SH3BGRL2: variants seen among roughly 807,000 people sequenced by gnomAD.
The protein encoded by SH3BGRL2 is SH3 domain binding glutamate rich protein like 2.
SH3BGRL2 carries 21 observed loss-of-function variants against 14.8 expected under a neutral mutation model. That is an observed-to-expected ratio of 1.42 (90% confidence interval 1.01 to 2.05). The LOEUF (loss-of-function observed/expected upper bound fraction) is 2.05, where lower values mean the gene tolerates loss of function less well. Ranked by LOEUF, SH3BGRL2 falls within the 30% of genes most tolerant of loss-of-function variation. The probability of loss-of-function intolerance (pLI) is 0.00; values close to 1 mark genes in which losing one functional copy is unlikely to be tolerated. For missense variants in SH3BGRL2, 147 were observed against 130.8 expected, an observed-to-expected ratio of 1.12 and a Z score of -0.61; for synonymous variants, 50 against 47.8, an observed-to-expected ratio of 1.05 and a Z score of -0.19.
chr6:79,575,056 T>C, the SH3BGRL2 span: 2 of 152,212 alleles, frequency 1.3e-5, no homozygotes, highest in Non-Finnish European at 2.9e-5. Flanking sequence ...TCAATTCCAC[T>C]GTACTTGATT....
At chr6:79,630,249 T>C (rs1463368233), upstream of SH3BGRL2, among the ~76,000 whole-genome samples, 3 of 152,214 alleles carry the variant, frequency 2.0e-5, no homozygotes, top group Admixed American at 1.3e-4. Flanking sequence ...TACTTCATAA[T>C]GATTGCTCTT....
chr6:79,665,676 T>G (rs575688733), intron 1 of SH3BGRL2, among the ~76,000 whole-genome samples: 40 of 152,334 alleles, frequency 2.6e-4, no homozygotes, highest in African/African-American at 9.6e-4. Flanking sequence ...ATACAAATAT[T>G]TGCCCATGTA....
At chr6:79,676,270 C>T (rs562002763) in intron 2 of SH3BGRL2, among the ~76,000 whole-genome samples, 7 of 151,996 alleles carry the variant, frequency 4.6e-5, no homozygotes, top group Non-Finnish European at 1.0e-4. Context: ...TTTTGCATCC[C>T]TGAGGCCATG....
At chr6:79,546,561 G>C in the SH3BGRL2 span, among the ~76,000 whole-genome samples, 1 of 152,148 alleles carries the variant, frequency 6.6e-6, no homozygotes, top group African/African-American at 2.4e-5. Flanking sequence ...TTCTTGGAGA[G>C]GGTTTTCGTT....
chr6:79,669,716 A>AT lies in SH3BGRL2; in HGVS notation c.46-3896dup, dbSNP rs568532691. ...CACCTCAGACTCCCAAAGTGCTGGG[A>AT]TTACAGGAGTGACCCACCGCACCCA... On this transcript the variant is annotated intron_variant, in intron 1 of 3. Transcript: ENST00000369838. 3.0e-4 allele frequency among the ~76,000 whole-genome samples: 45 copies of AT among 152,222 alleles called. No individual in the cohort carries two copies. The South Asian group carries it at 8.9e-3, about 30-fold the overall frequency.
At chr6:79,645,582 A>G (rs1002504140) in intron 1 of SH3BGRL2, among the ~76,000 whole-genome samples, 1 of 152,148 alleles carries the variant, frequency 6.6e-6, no homozygotes, top group Non-Finnish European at 1.5e-5. Context: ...ATATTCTTTT[A>G]TCTTATAATA....
At chr6:79,656,405 A>G (rs527845478) in intron 1 of SH3BGRL2, among the ~76,000 whole-genome samples, 1 of 152,318 alleles carries the variant, frequency 6.6e-6, no homozygotes, top group Admixed American at 6.5e-5. Flanking sequence ...TTAGTCACCC[A>G]TTCTTCCTTC....
At chr6:79,598,038 A>G in the SH3BGRL2 span, among the ~76,000 whole-genome samples, 4 of 152,230 alleles carry the variant, frequency 2.6e-5, no homozygotes, top group Non-Finnish European at 5.9e-5. Flanking sequence ...GGAAATGTAA[A>G]TCAAAACCAA....
the SH3BGRL2 span, among the ~76,000 whole-genome samples, chr6:79,581,503 G>A: frequency 4.6e-5 from 7 of 152,034 alleles, no homozygotes; most frequent in African/African-American, 7.3e-5. Flanking sequence ...ATCAATAAAC[G>A]TAATCCATCA....
the SH3BGRL2 span, among the ~76,000 whole-genome samples, chr6:79,541,432 T>A: frequency 6.6e-6 from 1 of 152,318 alleles, no homozygotes; most frequent in East Asian, 1.9e-4. Context: ...AAGTGCTCAA[T>A]GTTATTAAAA....
At chr6:79,599,628 CTT>C in the SH3BGRL2 span, among the ~76,000 whole-genome samples, 17 of 152,304 alleles carry the variant, frequency 1.1e-4, no homozygotes, top group African/African-American at 3.6e-4. Context: ...TATACCAGCT[CTT>C]TTAATTACAG....
chr6:79,668,922 A>T (rs904898974), intron 1 of SH3BGRL2, among the ~76,000 whole-genome samples: 1 of 152,154 alleles, frequency 6.6e-6, no homozygotes, highest in African/African-American at 2.4e-5. Context: ...GTAGCATCCT[A>T]AGCACAATGC....
At chr6:79,571,540 C>A in the SH3BGRL2 span, among the ~76,000 whole-genome samples, 1 of 152,004 alleles carries the variant, frequency 6.6e-6, no homozygotes, top group African/African-American at 2.4e-5. Flanking sequence ...TCAAGGTGTA[C>A]AACATGATGA....
At chr6:79,660,735 T>A (rs1769527791) in intron 1 of SH3BGRL2, among the ~76,000 whole-genome samples, 2 of 152,230 alleles carry the variant, frequency 1.3e-5, no homozygotes, top group Admixed American at 1.3e-4. Context: ...TCTTTGTACC[T>A]CTGGTAGAAT....
intron 1 of SH3BGRL2, among the ~76,000 whole-genome samples, chr6:79,669,956 A>G (rs991945321): frequency 2.0e-5 from 3 of 152,198 alleles, no homozygotes; most frequent in African/African-American, 7.2e-5. Flanking sequence ...GATCTAGCTC[A>G]AAGGTTGACA....
intron 1 of SH3BGRL2, among the ~76,000 whole-genome samples, chr6:79,640,820 C>T (rs1043568388): frequency 6.6e-6 from 1 of 151,502 alleles, no homozygotes; most frequent in Admixed American, 6.6e-5. Context: ...GGGTCATGGC[C>T]CAAATATGAA....
the SH3BGRL2 span, chr6:79,553,257 A>T: frequency 1.3e-5 from 2 of 152,314 alleles, no homozygotes; most frequent in African/African-American, 4.8e-5. Flanking sequence ...GTAGGATGTT[A>T]AGGAAAATGG....
chr6:79,628,552 ACT>A (rs1768771613), upstream of SH3BGRL2, among the ~76,000 whole-genome samples: 1 of 150,516 alleles, frequency 6.6e-6, no homozygotes, highest in African/African-American at 2.4e-5. Flanking sequence ...GGCATCTAAT[ACT>A]CTCTGTGGTC....
At chr6:79,645,279 C>T (rs1403608403) in intron 1 of SH3BGRL2, among the ~76,000 whole-genome samples, 2 of 151,576 alleles carry the variant, frequency 1.3e-5, no homozygotes, top group East Asian at 1.9e-4. Flanking sequence ...TCTGAAACAC[C>T]CTCTTTCGAG....
Sources: gnomAD v4.1 joint callset for allele counts (sites outside exome capture counted in the v4.1 genomes callset) on GRCh38, gnomAD v4.1.1 for gene constraint, MANE v1.5 for transcripts, NCBI Gene and HGNC (gene_info 2026-07-23, HGNC 2026-07-21) for gene names.